Variants in SRBD1 observed in about 807,000 individuals in gnomAD.
SRBD1 encodes S1 RNA-binding domain-containing protein 1.
Under a neutral mutation model 115.3 loss-of-function variants are expected in SRBD1, and 88 were observed. The observed-to-expected ratio is 0.76, with a 90% CI of 0.64 to 0.91. The LOEUF (loss-of-function observed/expected upper bound fraction) is 0.91, where lower values mean the gene tolerates loss of function less well. SRBD1 is among the 40% of genes least tolerant of loss of function. The pLI is 0.00. For missense variants in SRBD1, 1,385 were observed against 1,177.4 expected (o/e 1.18, Z -2.58); for synonymous variants, 509 against 407.7 (o/e 1.25, Z -2.99).
At chr2:45,402,993 T>C (rs879468248) in intron 19 of SRBD1, among the ~76,000 whole-genome samples, 1 of 152,178 alleles carries the variant, frequency 6.6e-6, no homozygotes, top group Non-Finnish European at 1.5e-5. Flanking sequence ...GCAGCAATTT[T>C]ACTTATGGTT....
At chr2:45,609,504 C>T (rs1236432337) in intron 1 of SRBD1, among the ~76,000 whole-genome samples, 1 of 152,198 alleles carries the variant, frequency 6.6e-6, no homozygotes, top group Non-Finnish European at 1.5e-5. Flanking sequence ...TTAGAAACAA[C>T]GAATTACTTC....
intron 2 of SRBD1, among the ~76,000 whole-genome samples, chr2:45,602,998 A>C (rs1332210485): frequency 1.3e-5 from 2 of 152,220 alleles, no homozygotes; most frequent in Non-Finnish European, 2.9e-5. Context: ...CAATCAAACA[A>C]AAAACAGGAA....
intron 16 of SRBD1, among the ~76,000 whole-genome samples, chr2:45,465,770 G>C (rs1344514241): frequency 6.6e-6 from 1 of 152,114 alleles, no homozygotes; most frequent in Admixed American, 6.6e-5. Flanking sequence ...TTACATTACA[G>C]TGCATTCAAA....
At chr2:45,606,820 A>G (rs757706284) in intron 1 of SRBD1, among the ~76,000 whole-genome samples, 2 of 152,232 alleles carry the variant, frequency 1.3e-5, no homozygotes, top group African/African-American at 2.4e-5. Flanking sequence ...CCATCAAACT[A>G]TAAGGACTAC....
chr2:45,436,229 TC>T lies in SRBD1; in HGVS notation c.2050-16336del, dbSNP rs1456421926. On this transcript the variant is annotated intron_variant, in intron 16 of 20. Transcript: ENST00000263736. ...TAACACTCATTCATGATAAAAATTC[TC>T]AATAAACTAAGAACAAACGGGAAAC... 2.0e-5 allele frequency among the ~76,000 whole-genome samples: 3 copies of T among 151,986 alleles called. No individual in the cohort carries two copies. The East Asian group carries it at 5.8e-4, about 29-fold the overall frequency.
rs149269165 is a variant in SRBD1 at position 45,472,784 on chromosome 2, A to T, written c.2049+4209T>A. 1.2e-4 allele frequency among the ~76,000 whole-genome samples: 18 copies of T among 152,336 alleles called. No individual in the cohort carries two copies. In the East Asian group the frequency reaches 3.1e-3, roughly 26 times the overall value. The stretch of plus-strand genomic sequence containing the variant: ...TTGAAGCTATGCTGTTAGGTAACAG[A>T]TTGCTCAGGGCAATCATACTTTCTT... On this transcript the variant is annotated intron_variant, in intron 16 of 20. Transcript: ENST00000263736.
intron 16 of SRBD1, among the ~76,000 whole-genome samples, chr2:45,467,647 T>C (rs1430847264): frequency 6.6e-6 from 1 of 152,174 alleles, no homozygotes; most frequent in African/African-American, 2.4e-5. Flanking sequence ...TAAGATAGTG[T>C]CAAAACTGTG....
chr2:45,580,137 C>G, intron 6 of SRBD1, 124 bp from the exon 7 acceptor site: 2 of 773,374 alleles, frequency 2.6e-6, no homozygotes, highest in Non-Finnish European at 3.7e-6. Context: ...TTTTCCTCTT[C>G]CTTCAGAGAT....
intron 16 of SRBD1, among the ~76,000 whole-genome samples, chr2:45,469,803 G>A (rs918358709): frequency 2.6e-5 from 4 of 152,284 alleles, no homozygotes; most frequent in Non-Finnish European, 5.9e-5. Context: ...TGAAATATCT[G>A]AATTGCAAGG....
chr2:45,550,078 C>T (rs2104047975), intron 12 of SRBD1, among the ~76,000 whole-genome samples: 1 of 152,118 alleles, frequency 6.6e-6, no homozygotes, highest in South Asian at 2.1e-4. Flanking sequence ...TCATAGGGAG[C>T]TATAACCCTA....
intron 7 of SRBD1, among the ~76,000 whole-genome samples, 198 bp from the exon 8 acceptor site, chr2:45,574,921 T>G (rs1339436975): frequency 6.6e-6 from 1 of 152,092 alleles, no homozygotes; most frequent in Non-Finnish European, 1.5e-5. Flanking sequence ...AATACAGACA[T>G]AATACATAAT....
rs1667049856 is a variant in SRBD1 at position 45,393,078 on chromosome 2, C to A, written c.2565G>T (p.Met855Ile). The A allele has an allele frequency of 6.2e-7, 1 of 1,613,626 alleles. No individual in the cohort carries two copies. The highest frequency in any genetic ancestry group is 2.2e-5 in the East Asian group (1 of 44,858). The change falls in exon 20 of 21, where the codon ATG becomes ATT. Residue 855 changes from methionine to isoleucine, a missense_variant. By Grantham distance (10) the Met-to-Ile change is conservative. Transcript: ENST00000263736. The stretch of plus-strand genomic sequence containing the variant: ...CAAGGAATGAATTTATTTTTTGTTG[C>A]ATTTCAGGCTTTCCAACCTCATACA... ...GTLYEVGKPE[M>I]QQKINSFLEK... is the part of the protein sequence containing the mutation.
intron 8 of SRBD1, among the ~76,000 whole-genome samples, chr2:45,573,697 T>C (rs568759007): frequency 6.6e-6 from 1 of 152,128 alleles, no homozygotes; most frequent in Non-Finnish European, 1.5e-5. Flanking sequence ...TCACAGTCAA[T>C]TAAAAACTTA....
intron 14 of SRBD1, among the ~76,000 whole-genome samples, chr2:45,539,968 T>C (rs954049861): frequency 3.3e-5 from 5 of 151,878 alleles, no homozygotes; most frequent in Admixed American, 1.3e-4. Flanking sequence ...GGCTTGAAAA[T>C]ATAGCCAGGA....
intron 14 of SRBD1, among the ~76,000 whole-genome samples, chr2:45,541,089 G>A (rs556517474): frequency 2.2e-4 from 33 of 152,340 alleles, no homozygotes; most frequent in South Asian, 6.2e-4. Context: ...TGAGCCAGGC[G>A]TAGTGCGGTG....
chr2:45,398,850 C>T (rs1194411846), intron 19 of SRBD1, among the ~76,000 whole-genome samples: 1 of 152,078 alleles, frequency 6.6e-6, no homozygotes, highest in East Asian at 1.9e-4. Context: ...TCGCTTTATA[C>T]TGTGTAATTA....
chr2:45,393,092 C>CTG lies in SRBD1; in HGVS notation c.2550_2551insCA (p.Gly851GlnfsTer10). On this transcript the variant is annotated frameshift_variant, in exon 20 of 21. Coordinates refer to ENST00000263736, the MANE Select transcript of SRBD1 (RefSeq NM_018079.5). LOFTEE classifies it high-confidence loss of function. ...ATTTTTTGTTGCATTTCAGGCTTTC[C>CTG]AACCTCATACAGTGTCCCTCCAATG... The CTG allele has an allele frequency of 6.2e-7, 1 of 1,613,020 alleles. No individual in the cohort carries two copies. The highest frequency in any genetic ancestry group is 8.5e-7 in the Non-Finnish European group (1 of 1,179,678).
intron 14 of SRBD1, among the ~76,000 whole-genome samples, chr2:45,521,054 C>A (rs1342542023): frequency 6.6e-6 from 1 of 152,132 alleles, no homozygotes; most frequent in Non-Finnish European, 1.5e-5. Flanking sequence ...TGGGCTCCTG[C>A]AACTGTCTGT....
At chr2:45,526,669 A>T (rs7604105) in intron 14 of SRBD1, among the ~76,000 whole-genome samples, 97,683 of 151,560 alleles carry the variant, frequency 0.64, 32,012 homozygotes, top group Non-Finnish European at 0.71. Context: ...CAAAAACAAT[A>T]AAAAAAATCA....
Sources: allele counts gnomAD v4.1 joint callset (sites outside exome capture counted in the v4.1 genomes callset), GRCh38; gene constraint gnomAD v4.1.1; transcripts MANE v1.5; gene names NCBI Gene and HGNC (gene_info 2026-07-23, HGNC 2026-07-21).